CEACAM21: variants seen among roughly 807,000 people sequenced by gnomAD.
CEACAM21 encodes the protein cell adhesion molecule CEACAM21.
In CEACAM21, 38 loss-of-function variants were observed where a neutral mutation model predicts 33.2. That is an observed-to-expected ratio of 1.14 (90% CI 0.88 to 1.50). CEACAM21 has a LOEUF of 1.50. Among genes scored for constraint, CEACAM21 ranks in the 40% most tolerant of loss-of-function variants. The pLI, the probability that CEACAM21 is intolerant of heterozygous loss-of-function variation, is 0.00. For synonymous variants in CEACAM21, 156 were observed against 143.0 expected (o/e 1.09, Z -0.65); for missense variants, 385 against 364.6 (o/e 1.06, Z -0.46).
chr19:41,554,262 C>G (rs1396725285), intron 1 of CEACAM21, among the ~76,000 whole-genome samples: 1 of 151,998 alleles, frequency 6.6e-6, no homozygotes, highest in Admixed American at 6.5e-5. Flanking sequence ...CATTTAAGAG[C>G]ACCTGTTAGG....
chr19:41,584,261 C>G, intron 3 of CEACAM21, 86 bp from the exon 4 acceptor site: 1 of 1,147,328 alleles, frequency 8.7e-7, no homozygotes, highest in Non-Finnish European at 1.3e-6. Flanking sequence ...TTCCTTCCTC[C>G]CTGACCATGC....
intron 1 of CEACAM21, chr19:41,550,577 C>T (rs2041146252): frequency 6.6e-6 from 1 of 152,176 alleles, no homozygotes; most frequent in African/African-American, 2.4e-5. Context: ...TCAAATCCAG[C>T]TCGACCAATG....
At chr19:41,578,809 T>C (rs758350) in intron 2 of CEACAM21, among the ~76,000 whole-genome samples, 9,724 of 152,218 alleles carry the variant, frequency 0.064, 648 homozygotes, top group East Asian at 0.37. Flanking sequence ...GTCACTCCCA[T>C]GGGAGGATGA....
intron 3 of CEACAM21, among the ~76,000 whole-genome samples, chr19:41,584,067 G>A (rs1478329356): frequency 6.6e-6 from 1 of 152,202 alleles, no homozygotes; most frequent in Non-Finnish European, 1.5e-5. Context: ...GAGGAGTGAT[G>A]TGAGAGGAAG....
chr19:41,560,402 A>T (rs782242231), intron 1 of CEACAM21, among the ~76,000 whole-genome samples: 3 of 152,012 alleles, frequency 2.0e-5, no homozygotes, highest in Non-Finnish European at 4.4e-5. Context: ...TCTATTTTTC[A>T]TAGAGATGGG....
At position 41,576,271 on chromosome 19, in the gene CEACAM21, G is replaced by A. The variant is rs1489304664; in HGVS notation, c.-4G>A. 6.2e-6 allele frequency: 10 copies of A among 1,613,794 alleles called. No homozygotes were observed. The highest frequency in any genetic ancestry group is 1.3e-5 in the African/African-American group (1 of 74,926). The stretch of plus-strand genomic sequence containing the variant: ...AGAGGAGGACAGAGCAGGCAGCAGA[G>A]ACCATGGGGCCCCCCTCAGCTTGTC... On this transcript the variant is annotated 5_prime_UTR_variant, in exon 1 of 7. Transcript: ENST00000401445.
At chr19:41,555,845 C>T (rs1555785423) in intron 1 of CEACAM21, among the ~76,000 whole-genome samples, 1 of 152,198 alleles carries the variant, frequency 6.6e-6, no homozygotes, top group South Asian at 2.1e-4. Flanking sequence ...AAGGAGCCCC[C>T]TGCAATCACA....
intron 2 of CEACAM21, among the ~76,000 whole-genome samples, chr19:41,569,468 T>C (rs62119449): frequency 0.04 from 6,078 of 152,088 alleles, 321 homozygotes; most frequent in African/African-American, 0.12. Context: ...CCACCCATAA[T>C]GGATGAGAAA....
intron 3 of CEACAM21, among the ~76,000 whole-genome samples, chr19:41,580,221 G>T (rs1464064796): frequency 6.6e-6 from 1 of 151,982 alleles, no homozygotes. Flanking sequence ...ATTCCACCCT[G>T]TTTGGAAAAA....
chr19:41,581,265 G>A (rs782791836), intron 3 of CEACAM21, among the ~76,000 whole-genome samples: 8 of 152,342 alleles, frequency 5.3e-5, no homozygotes, highest in Middle Eastern at 3.4e-3. Flanking sequence ...TCTTAAGGGC[G>A]TGTTCCTGTT....
intron 6 of CEACAM21, chr19:41,586,178 G>T: frequency 1.7e-6 from 1 of 584,684 alleles, no homozygotes; most frequent in Non-Finnish European, 3.1e-6. Context: ...CACCAGGGCA[G>T]CTGCTCTCAT....
intron 2 of CEACAM21, among the ~76,000 whole-genome samples, chr19:41,565,351 G>A (rs1344761605): frequency 6.6e-6 from 1 of 152,180 alleles, no homozygotes; most frequent in Non-Finnish European, 1.5e-5. Flanking sequence ...GCGGGGGCGG[G>A]TGCCTCTGGG....
At chr19:41,560,597 A>G (rs2041823996) in intron 1 of CEACAM21, among the ~76,000 whole-genome samples, 1 of 152,266 alleles carries the variant, frequency 6.6e-6, no homozygotes, top group South Asian at 2.1e-4. Context: ...AAGAAAATTT[A>G]GACACAAGAC....
upstream of CEACAM21, among the ~76,000 whole-genome samples, chr19:41,574,509 A>AT (rs200008238): frequency 5.5e-3 from 841 of 152,068 alleles, 11 homozygotes; most frequent in Admixed American, 0.029. Context: ...AAGATAACCC[A>AT]TTTTTTTTAA....
At chr19:41,573,738 C>T (rs2042755630), upstream of CEACAM21, among the ~76,000 whole-genome samples, 2 of 152,144 alleles carry the variant, frequency 1.3e-5, no homozygotes, top group South Asian at 4.1e-4. Context: ...TCAATATACA[C>T]TGTAACATAG....
At chr19:41,584,283 A>G (rs372128642) in intron 3 of CEACAM21, 64 bp from the exon 4 acceptor site, 8 of 1,403,018 alleles carry the variant, frequency 5.7e-6, no homozygotes, top group African/African-American at 5.7e-5. Flanking sequence ...CCTGCCCTGC[A>G]AGGCCCCTCA....
chr19:41,565,802 T>C (rs1216321243), intron 2 of CEACAM21, among the ~76,000 whole-genome samples: 1 of 151,624 alleles, frequency 6.6e-6, no homozygotes, highest in African/African-American at 2.4e-5. Context: ...AATAGGAAAA[T>C]GGGCCAATGA....
chr19:41,574,479 T>A (rs1393821879), upstream of CEACAM21, among the ~76,000 whole-genome samples: 1 of 152,156 alleles, frequency 6.6e-6, no homozygotes, highest in African/African-American at 2.4e-5. Flanking sequence ...TATAAAGAAC[T>A]ATTACAACTG....
intron 6 of CEACAM21, chr19:41,586,163 C>A (rs1555795400): frequency 3.4e-6 from 2 of 593,000 alleles, no homozygotes; most frequent in East Asian, 2.9e-5. Context: ...GATTCCCCTA[C>A]CCAGCACCAG....
Sources: allele counts gnomAD v4.1 joint callset (sites outside exome capture counted in the v4.1 genomes callset), GRCh38; gene constraint gnomAD v4.1.1; transcripts MANE v1.5; gene names NCBI Gene and HGNC (gene_info 2026-07-23, HGNC 2026-07-21).